Variants in ST3GAL4 observed in about 807,000 individuals in gnomAD.
ST3GAL4 encodes ST3 beta-galactoside alpha-2,3-sialyltransferase 4.
In ST3GAL4, 24 loss-of-function variants were observed where a neutral mutation model predicts 42.6. The observed-to-expected ratio is 0.56, with a 90% CI of 0.41 to 0.79. The LOEUF (loss-of-function observed/expected upper bound fraction) is 0.79. Among genes scored for constraint, ST3GAL4 ranks in the 30% least tolerant of loss-of-function variants. The probability of loss-of-function intolerance (pLI) is 0.00; values close to 1 mark genes in which losing one functional copy is unlikely to be tolerated. For synonymous variants in ST3GAL4, 135 were observed against 163.2 expected, an observed-to-expected ratio of 0.83 and a Z score of 1.32; for missense variants, 311 against 430.8, an observed-to-expected ratio of 0.72 and a Z score of 2.46.
rs189237092 is a variant in ST3GAL4, at chr11:126,391,876, G to A, written c.-60-14220G>A. Among the ~76,000 whole-genome samples the A allele has an allele frequency of 5.9e-5, 9 of 151,838 alleles. No individual in the cohort carries two copies. The highest frequency in any genetic ancestry group is 4.6e-4 in the Admixed American group (7 of 15,252). On this transcript the variant is annotated intron_variant, in intron 1 of 10. Coordinates refer to ENST00000444328, the MANE Select transcript of ST3GAL4 (RefSeq NM_001254757.2). The surrounding 1 kb of genome is among the most constrained non-coding windows in gnomAD (Gnocchi z 5.5). ...GCTCTGTGTTTGGCCCATACCTAAT[G>A]TTGTGAAGTGGAAATACTGGGGTGT...
intron 1 of ST3GAL4, among the ~76,000 whole-genome samples, chr11:126,377,966 C>T (rs1189848487): frequency 3.9e-5 from 6 of 152,130 alleles, no homozygotes; most frequent in Admixed American, 3.3e-4. Context: ...TTTCAATTCA[C>T]TCAACTGAGA....
rs1159316792 is a variant in ST3GAL4, at chr11:126,400,498, G to C, written c.-60-5598G>C. Among the ~76,000 whole-genome samples, 2 of 152,204 alleles carry C rather than the reference G, an allele frequency of 1.3e-5. No individual in the cohort carries two copies. Among genetic ancestry groups the C allele is most frequent in the Non-Finnish European group, 2.9e-5 (2 of 68,046 alleles). On this transcript the variant is annotated intron_variant, in intron 1 of 10. Coordinates refer to ENST00000444328, the MANE Select transcript of ST3GAL4 (RefSeq NM_001254757.2). The surrounding 1 kb of genome is among the most constrained non-coding windows in gnomAD (Gnocchi z 4.6). The stretch of plus-strand genomic sequence containing the variant: ...GGAAAAGGGATGTGGCAGCTACAGT[G>C]GGAGGGAAAAGGTGGCTCCCTTAGT...
At chr11:126,408,782 TGC>T (rs1954387459) in intron 8 of ST3GAL4, 1 of 493,826 alleles carries the variant, frequency 2.0e-6, no homozygotes, top group African/African-American at 1.9e-5. Flanking sequence ...AGTAGGTGTT[TGC>T]CTGTGAGGAA....
chr11:126,410,649 G>T lies in ST3GAL4; in HGVS notation c.771+1238G>T, dbSNP rs3781780. Among the ~76,000 whole-genome samples the T allele has an allele frequency of 0.33, 50,565 of 151,862 alleles. 8,647 individuals are homozygous for T. Among genetic ancestry groups the T allele is most frequent in the East Asian group, 0.52 (2,687 of 5,148 alleles). On this transcript the variant is annotated intron_variant, in intron 9 of 10. Coordinates refer to ENST00000444328, the MANE Select transcript of ST3GAL4 (RefSeq NM_001254757.2). The surrounding 1 kb of genome is among the most constrained non-coding windows in gnomAD (Gnocchi z 5.3). Reference sequence around the variant, plus strand: ...TTTTATTGTTTACTGAACATTTCCTGTTATTCCATGTTCTGTGTTGAATGG... The same window carrying T: ...TTTTATTGTTTACTGAACATTTCCTTTTATTCCATGTTCTGTGTTGAATGG...
At chr11:126,365,391 G>A (rs939730757) in intron 1 of ST3GAL4, among the ~76,000 whole-genome samples, 5 of 152,190 alleles carry the variant, frequency 3.3e-5, no homozygotes, top group Admixed American at 6.5e-5. Context: ...CGCAGGGCAT[G>A]GTGTTGGGGC....
In ST3GAL4 at chr11:126,384,974, C is replaced by G. The variant is rs1953167067; in HGVS notation, c.-60-21122C>G. The G allele has an allele frequency of 4.3e-6, 4 of 925,634 alleles. No individual in the cohort carries two copies. Among genetic ancestry groups the G allele is most frequent in the Non-Finnish European group, 5.2e-6 (4 of 775,366 alleles). The allele number at this position is 925,634 out of a possible 1,614,324, so 57.3% of individuals were successfully genotyped here. On this transcript the variant is annotated intron_variant, in intron 1 of 10. Coordinates refer to ENST00000444328, the MANE Select transcript of ST3GAL4 (RefSeq NM_001254757.2). This position sits in a 1 kb window ranked among gnomAD's most constrained non-coding sequence, Gnocchi z 5.5. ...AAGGGAGGACCAGGTGTCGCTGGCA[C>G]CTTCCACGTCCTGAGTGCTTGTTCT...
At chr11:126,356,801 G>A (rs1325781157) in intron 1 of ST3GAL4, among the ~76,000 whole-genome samples, 7 of 152,228 alleles carry the variant, frequency 4.6e-5, no homozygotes, top group African/African-American at 1.7e-4. Context: ...CCAGGCTCAG[G>A]CGGACTCATT....
rs1565426218 is a variant in ST3GAL4, at chr11:126,408,174, C to T, written c.417C>T (p.Asn139=). ...ACAGCTCACTGGGAGATGCCATCAA[C>T]AAGTACGATGTGGTCATCAGGTGTG... ...LRNSSLGDAI[N]KYDVVIRLNN... is the part of the protein sequence containing the mutation. The change falls in exon 7 of 11, where the codon AAC becomes AAT. Residue 139 remains asparagine, a synonymous_variant. Coordinates refer to ENST00000444328, the MANE Select transcript of ST3GAL4 (RefSeq NM_001254757.2). The T allele has an allele frequency of 1.9e-6, 3 of 1,614,186 alleles. No homozygotes were observed. Among genetic ancestry groups the T allele is most frequent in the Middle Eastern group, 1.6e-4 (1 of 6,062 alleles).
intron 1 of ST3GAL4, among the ~76,000 whole-genome samples, chr11:126,382,846 T>C (rs1308535882): frequency 1.3e-5 from 2 of 152,242 alleles, no homozygotes; most frequent in Admixed American, 6.5e-5. Flanking sequence ...CCCCCAGTTA[T>C]GGGTGCAGAT....
chr11:126,390,849 G>A (rs1026832710), intron 1 of ST3GAL4, among the ~76,000 whole-genome samples: 1 of 111,470 alleles, frequency 9.0e-6, no homozygotes, highest in Non-Finnish European at 1.9e-5. Flanking sequence ...CCTCATTTCC[G>A]CCTCCCCCCA....
chr11:126,373,343 CG>C lies in ST3GAL4; in HGVS notation c.-61+17505del, dbSNP rs1452552988. Reference sequence around the variant, plus strand: ...TGCTTCTCCTGGGATGGAGGGGTGCCGGGGAGCCCCTGACCAGGACCTGGAG... The same window carrying C: ...TGCTTCTCCTGGGATGGAGGGGTGCCGGGAGCCCCTGACCAGGACCTGGAG... On this transcript the variant is annotated intron_variant, in intron 1 of 10. Coordinates refer to ENST00000444328, the MANE Select transcript of ST3GAL4 (RefSeq NM_001254757.2). This position sits in a 1 kb window ranked among gnomAD's most constrained non-coding sequence, Gnocchi z 5.5. Among the ~76,000 whole-genome samples, 3 of 152,062 alleles carry C rather than the reference CG, an allele frequency of 2.0e-5. No homozygotes were observed. The highest frequency in any genetic ancestry group is 7.2e-5 in the African/African-American group (3 of 41,390).
chr11:126,373,984 C>T lies in ST3GAL4; in HGVS notation c.-61+18142C>T, dbSNP rs1479180563. On this transcript the variant is annotated intron_variant, in intron 1 of 10. Coordinates refer to ENST00000444328, the MANE Select transcript of ST3GAL4 (RefSeq NM_001254757.2). This position sits in a 1 kb window ranked among gnomAD's most constrained non-coding sequence, Gnocchi z 5.5. Reference sequence around the variant, plus strand: ...AGCGATGCTATCCGATGAACAGATCCATTTATTAATTCAACACGTTTGTAT... The same window carrying T: ...AGCGATGCTATCCGATGAACAGATCTATTTATTAATTCAACACGTTTGTAT... 6.6e-6 allele frequency among the ~76,000 whole-genome samples: 1 copy of T among 152,110 alleles called. No homozygotes were observed. Among genetic ancestry groups the T allele is most frequent in the African/African-American group, 2.4e-5 (1 of 41,404 alleles).
rs12280645 is a variant in ST3GAL4, at chr11:126,393,990, A to G, written c.-60-12106A>G. The stretch of plus-strand genomic sequence containing the variant: ...AATCCGGTGTGTATTTTCCACTTAA[A>G]GCACATGTCAGTGTGGACTGGCCCC... On this transcript the variant is annotated intron_variant, in intron 1 of 10. Coordinates refer to ENST00000444328, the MANE Select transcript of ST3GAL4 (RefSeq NM_001254757.2). This position sits in a 1 kb window ranked among gnomAD's most constrained non-coding sequence, Gnocchi z 5.9. Among the ~76,000 whole-genome samples, 45,588 of 152,162 alleles carry G rather than the reference A, an allele frequency of 0.3. 7,131 individuals are homozygous for G. The highest frequency in any genetic ancestry group is 0.33 in the Non-Finnish European group (22,324 of 67,976).
chr11:126,356,899 A>G (rs962653399), intron 1 of ST3GAL4, among the ~76,000 whole-genome samples: 1 of 152,152 alleles, frequency 6.6e-6, no homozygotes, highest in African/African-American at 2.4e-5. Context: ...GCTGTGCCGG[A>G]CCCGTCCTAC....
intron 1 of ST3GAL4, among the ~76,000 whole-genome samples, chr11:126,375,838 A>G (rs1952816431): frequency 6.7e-6 from 1 of 149,672 alleles, no homozygotes. Context: ...TTAGTGGGGC[A>G]GAGATTGCAG....
rs564882673 is a variant in ST3GAL4, at chr11:126,410,779, G to A, written c.771+1368G>A. 7.2e-5 allele frequency among the ~76,000 whole-genome samples: 11 copies of A among 152,184 alleles called. No homozygotes were observed. Among genetic ancestry groups the A allele is most frequent in the Admixed American group, 4.6e-4 (7 of 15,284 alleles). ...TCAGTCTAGCAGAGTAAGAATGCAG[G>A]TTGCACTGTGGGGTGATAAAATTCC... On this transcript the variant is annotated intron_variant, in intron 9 of 10. Coordinates refer to ENST00000444328, the MANE Select transcript of ST3GAL4 (RefSeq NM_001254757.2). The surrounding 1 kb of genome is among the most constrained non-coding windows in gnomAD (Gnocchi z 5.3).
intron 1 of ST3GAL4, 185 bp from the exon 2 acceptor site, chr11:126,405,911 A>C (rs1233471860): frequency 4.2e-6 from 3 of 711,832 alleles, no homozygotes; most frequent in Admixed American, 2.7e-5. Flanking sequence ...TGGATCCTTA[A>C]TGCCGCCCTT....
chr11:126,385,477 A>G (rs1953191936), intron 1 of ST3GAL4, among the ~76,000 whole-genome samples: 1 of 152,142 alleles, frequency 6.6e-6, no homozygotes, highest in African/African-American at 2.4e-5. Flanking sequence ...TGAGCTCCAG[A>G]CAACTCATCC....
Position 126,391,670 on chromosome 11 carries a change from C to T in ST3GAL4, c.-60-14426C>T, listed in dbSNP as rs904136868. On this transcript the variant is annotated intron_variant, in intron 1 of 10. Transcript: ENST00000444328. This position sits in a 1 kb window ranked among gnomAD's most constrained non-coding sequence, Gnocchi z 5.5. ...CTGGCTGCTACAAGGTCCTGTGTAG[C>T]ATCTGGTGTGGACCCAGCAGCCAGG... Among the ~76,000 whole-genome samples, 1 of 151,908 alleles carries T rather than the reference C, an allele frequency of 6.6e-6. No homozygotes were observed. Among genetic ancestry groups the T allele is most frequent in the Non-Finnish European group, 1.5e-5 (1 of 67,950 alleles).
Sources: allele counts gnomAD v4.1 joint callset (sites outside exome capture counted in the v4.1 genomes callset), GRCh38; gene constraint gnomAD v4.1.1; non-coding constraint Gnocchi (gnomAD v3.1); transcripts MANE v1.5; gene names NCBI Gene and HGNC (gene_info 2026-07-23, HGNC 2026-07-21).